FBXL7: variants seen among roughly 807,000 people sequenced by gnomAD.
FBXL7 encodes F-box and leucine rich repeat protein 7, also known as F-box/LRR-repeat protein 7.
A neutral mutation model predicts 38.3 loss-of-function variants in FBXL7; 12 were observed. The ratio of observed to expected loss-of-function variants is 0.31; its 90% CI spans 0.20 to 0.51. The LOEUF is 0.51. Among genes scored for constraint, FBXL7 ranks in the 20% least tolerant of loss-of-function variants. FBXL7 has a pLI of 0.98. For missense variants in FBXL7, 567 were observed against 676.4 expected (o/e 0.84, Z 1.79); for synonymous variants, 297 against 300.9 (o/e 0.99, Z 0.13).
chr5:15,581,400 G>T (rs1580383826), intron 1 of FBXL7, among the ~76,000 whole-genome samples: 1 of 152,108 alleles, frequency 6.6e-6, no homozygotes, highest in Non-Finnish European at 1.5e-5. Context: ...CCACAGTCAG[G>T]CCAGTCCTGC....
chr5:15,898,993 G>C (rs942743771), intron 2 of FBXL7, among the ~76,000 whole-genome samples: 1 of 151,944 alleles, frequency 6.6e-6, no homozygotes, highest in Non-Finnish European at 1.5e-5. Context: ...AAATGTGTGT[G>C]AGATATGTAT....
At chr5:15,687,281 C>T (rs1332866143) in intron 2 of FBXL7, among the ~76,000 whole-genome samples, 1 of 152,230 alleles carries the variant, frequency 6.6e-6, no homozygotes, top group African/African-American at 2.4e-5. Flanking sequence ...TAACTACTGC[C>T]TTTTCCTTTT....
intron 2 of FBXL7, among the ~76,000 whole-genome samples, chr5:15,756,440 A>G (rs1437711888): frequency 1.3e-5 from 2 of 152,122 alleles, no homozygotes; most frequent in African/African-American, 4.8e-5. Context: ...AGCTGAAAGT[A>G]AATTACTCTC....
At chr5:15,523,142 A>G (rs1737147301) in intron 1 of FBXL7, among the ~76,000 whole-genome samples, 1 of 152,236 alleles carries the variant, frequency 6.6e-6, no homozygotes, top group African/African-American at 2.4e-5. Context: ...CCGCACCGTT[A>G]CAGAGGATTT....
intron 1 of FBXL7, among the ~76,000 whole-genome samples, chr5:15,573,432 A>G (rs1295122227): frequency 6.6e-6 from 1 of 152,176 alleles, no homozygotes; most frequent in Non-Finnish European, 1.5e-5. Context: ...TCCCTTTTTT[A>G]GTGAACTTTT....
intron 2 of FBXL7, among the ~76,000 whole-genome samples, chr5:15,698,310 C>T (rs1743403372): frequency 6.6e-6 from 1 of 152,128 alleles, no homozygotes; most frequent in Non-Finnish European, 1.5e-5. Flanking sequence ...GTATCTTTAA[C>T]CCTGAGTTTA....
intron 2 of FBXL7, among the ~76,000 whole-genome samples, chr5:15,775,442 T>C (rs879749109): frequency 6.6e-6 from 1 of 152,110 alleles, no homozygotes; most frequent in Non-Finnish European, 1.5e-5. Flanking sequence ...TGGTGGGGAA[T>C]ATGCCATTTC....
At chr5:15,675,150 T>C (rs926095336) in intron 2 of FBXL7, among the ~76,000 whole-genome samples, 2 of 152,230 alleles carry the variant, frequency 1.3e-5, no homozygotes, top group African/African-American at 4.8e-5. Context: ...AAAATGCCAC[T>C]GAGCCAAAAT....
chr5:15,592,293 A>G (rs773783311), intron 1 of FBXL7, among the ~76,000 whole-genome samples: 2 of 152,086 alleles, frequency 1.3e-5, no homozygotes, highest in African/African-American at 2.4e-5. Context: ...TTAACTTTTG[A>G]TGGAACAGCA....
intron 2 of FBXL7, among the ~76,000 whole-genome samples, chr5:15,717,665 A>G (rs762354356): frequency 6.6e-6 from 1 of 152,216 alleles, no homozygotes; most frequent in Non-Finnish European, 1.5e-5. Flanking sequence ...TTATATAAAA[A>G]TAGACACAAA....
chr5:15,588,900 C>G (rs1229464770), intron 1 of FBXL7, among the ~76,000 whole-genome samples: 1 of 152,088 alleles, frequency 6.6e-6, no homozygotes, highest in Non-Finnish European at 1.5e-5. Context: ...CAACCTCTTT[C>G]TTTTTTTAAA....
intron 2 of FBXL7, among the ~76,000 whole-genome samples, chr5:15,839,801 CCTT>C (rs1231619910): frequency 3.9e-5 from 6 of 152,160 alleles, no homozygotes; most frequent in Non-Finnish European, 7.4e-5. Context: ...TCCTCCCTGT[CCTT>C]CTTTTTCTCC....
intron 2 of FBXL7, among the ~76,000 whole-genome samples, chr5:15,824,175 A>G (rs12055275): frequency 0.014 from 2,090 of 151,888 alleles, 30 homozygotes; most frequent in East Asian, 0.078. Context: ...ACGTGCCTGT[A>G]ATCCCAGCTA....
Position 15,877,620 on chromosome 5 carries a change from G to A in FBXL7, c.128-50270G>A, listed in dbSNP as rs1169128895. Among the ~76,000 whole-genome samples, 13 of 152,200 alleles carry A rather than the reference G, an allele frequency of 8.5e-5. No homozygotes were observed. In the East Asian group the frequency reaches 2.5e-3, roughly 29 times the overall value. Reference sequence around the variant, plus strand: ...ATGTGGAGCCATCTCTCTGTAGGTAGCAAAAGACAGATTCTGTAATAGAGG... The same window carrying A: ...ATGTGGAGCCATCTCTCTGTAGGTAACAAAAGACAGATTCTGTAATAGAGG... On this transcript the variant is annotated intron_variant, in intron 2 of 3. Transcript: ENST00000504595.
At chr5:15,761,908 G>T (rs892238372) in intron 2 of FBXL7, among the ~76,000 whole-genome samples, 2 of 152,142 alleles carry the variant, frequency 1.3e-5, no homozygotes, top group Non-Finnish European at 2.9e-5. Context: ...TGAAATTGTG[G>T]GTTCTCAATA....
chr5:15,769,961 A>G (rs1274702697), intron 2 of FBXL7, among the ~76,000 whole-genome samples: 1 of 152,202 alleles, frequency 6.6e-6, no homozygotes, highest in South Asian at 2.1e-4. Flanking sequence ...AGATAAGAAT[A>G]TTTCATGAAT....
intron 2 of FBXL7, among the ~76,000 whole-genome samples, chr5:15,642,428 G>C (rs901530092): frequency 1.3e-5 from 2 of 152,182 alleles, no homozygotes; most frequent in Non-Finnish European, 2.9e-5. Context: ...CACAGAGTAA[G>C]AACGTTATGC....
intron 2 of FBXL7, among the ~76,000 whole-genome samples, chr5:15,741,946 T>C (rs1735904426): frequency 2.6e-5 from 4 of 152,076 alleles, no homozygotes; most frequent in African/African-American, 7.2e-5. Context: ...TACTGTTAGA[T>C]TGGAGTAAAA....
At chr5:15,798,716 G>A (rs1737479601) in intron 2 of FBXL7, among the ~76,000 whole-genome samples, 1 of 152,100 alleles carries the variant, frequency 6.6e-6, no homozygotes, top group Non-Finnish European at 1.5e-5. Flanking sequence ...TCAAAACACA[G>A]GCAAAAAGAC....
Sources: gnomAD v4.1 joint callset for allele counts (sites outside exome capture counted in the v4.1 genomes callset) on GRCh38, gnomAD v4.1.1 for gene constraint, MANE v1.5 for transcripts, NCBI Gene and HGNC (gene_info 2026-07-23, HGNC 2026-07-21) for gene names.